Variants in EEA1 observed in about 807,000 individuals in gnomAD.
EEA1 encodes early endosome antigen 1.
A neutral mutation model predicts 209.2 loss-of-function variants in EEA1; 111 were observed. The observed-to-expected ratio is 0.53, with a 90% confidence interval of 0.45 to 0.62. The LOEUF (loss-of-function observed/expected upper bound fraction) is 0.62. EEA1 is among the 20% of genes least tolerant of loss of function. The pLI, the probability that EEA1 is intolerant of heterozygous loss-of-function variation, is 0.00. For synonymous variants in EEA1, 536 were observed against 540.6 expected (o/e 0.99, Z 0.12); for missense variants, 1,343 against 1,530.8 (o/e 0.88, Z 2.05).
At chr12:92,822,967 T>A (rs994336369) in intron 13 of EEA1, among the ~76,000 whole-genome samples, 11 of 152,100 alleles carry the variant, frequency 7.2e-5, no homozygotes, top group African/African-American at 2.7e-4. Context: ...CTGGAAGTCA[T>A]TCCCCTTCTC....
intron 21 of EEA1, among the ~76,000 whole-genome samples, chr12:92,793,502 G>A (rs1189907265): frequency 1.3e-5 from 2 of 152,138 alleles, no homozygotes; most frequent in Non-Finnish European, 2.9e-5. Context: ...CAAACTGAGA[G>A]CCAAATCATG....
At chr12:92,924,295 C>A (rs1200250803) in intron 1 of EEA1, among the ~76,000 whole-genome samples, 1 of 149,596 alleles carries the variant, frequency 6.7e-6, no homozygotes, top group Non-Finnish European at 1.5e-5. Context: ...GCAATCTCAG[C>A]CTCCCAGGTT....
At chr12:92,778,220 G>A in intron 25 of EEA1, 41 bp from the exon 26 acceptor site, 1 of 1,497,330 alleles carries the variant, frequency 6.7e-7, no homozygotes, top group Non-Finnish European at 9.2e-7. Flanking sequence ...TATTACAAAA[G>A]TAGTGCAAAA....
chr12:92,860,562 T>G lies in EEA1; in HGVS notation c.246-3077A>C, dbSNP rs571531009. Among the ~76,000 whole-genome samples the G allele has an allele frequency of 6.3e-4, 96 of 152,250 alleles. 1 individual carries two copies. The Middle Eastern group carries it at 0.017, about 27-fold the overall frequency. On this transcript the variant is annotated intron_variant, in intron 3 of 28. Coordinates refer to ENST00000322349, the MANE Select transcript of EEA1 (RefSeq NM_003566.4). ...AAAAATTTTTTTTCTCTCAATACCA[T>G]GATTACCATGATTCCTTTAACATGT...
At chr12:92,876,408 T>G (rs1222898578) in intron 2 of EEA1, among the ~76,000 whole-genome samples, 2 of 152,254 alleles carry the variant, frequency 1.3e-5, no homozygotes, top group Admixed American at 6.5e-5. Flanking sequence ...TCCACCCACT[T>G]GAATGTAAGC....
chr12:92,872,047 A>AT (rs56671465), intron 2 of EEA1, among the ~76,000 whole-genome samples: 56,259 of 132,392 alleles, frequency 0.42, 13,292 homozygotes, highest in East Asian at 0.9. Flanking sequence ...GGCCCAGCTA[A>AT]TTTTTTTTTT....
intron 17 of EEA1, among the ~76,000 whole-genome samples, chr12:92,809,556 G>T (rs566166885): frequency 6.7e-6 from 1 of 150,102 alleles, no homozygotes; most frequent in Non-Finnish European, 1.5e-5. Context: ...TTAGCCAGGC[G>T]TGGTGGCCGG....
At chr12:92,866,724 T>A (rs929705699) in intron 2 of EEA1, among the ~76,000 whole-genome samples, 2 of 152,120 alleles carry the variant, frequency 1.3e-5, no homozygotes, top group Admixed American at 6.6e-5. Flanking sequence ...TTCTTCTGGA[T>A]CTTTAACAAC....
At position 92,851,195 on chromosome 12, in the gene EEA1, A is replaced by G. The variant is rs759304460; in HGVS notation, c.714T>C (p.Asp238=). 5.0e-6 allele frequency: 8 copies of G among 1,613,854 alleles called. No homozygotes were observed. Among genetic ancestry groups the G allele is most frequent in the Non-Finnish European group, 6.8e-6 (8 of 1,179,934 alleles). ...KELVQVQTLM[D]NMTLERERES... ...CTCGCTCACGTTCCAAGGTCATGTTATCCATTAGTGTTTGAACTTGGACCA... is the reference window on the plus strand; with the variant it reads ...CTCGCTCACGTTCCAAGGTCATGTTGTCCATTAGTGTTTGAACTTGGACCA... Residue 238 remains aspartate, a synonymous_variant, in exon 9 of 29, where the codon GAT becomes GAC. Coordinates refer to ENST00000322349, the MANE Select transcript of EEA1 (RefSeq NM_003566.4).
rs781046580 is a variant in EEA1 at position 92,852,314 on chromosome 12, T to C, written c.521-18A>G. 9.9e-6 allele frequency: 15 copies of C among 1,510,354 alleles called. No homozygotes were observed. Among genetic ancestry groups the C allele is most frequent in the Middle Eastern group, 2.0e-4 (1 of 4,910 alleles). The allele number at this position is 1,510,354 out of a possible 1,614,324, so 93.6% of individuals were successfully genotyped here. A position where few individuals can be genotyped will look rare whatever the true frequency, so the allele number is the denominator to read the frequency against. On this transcript the variant is annotated intron_variant, in intron 7 of 28. Transcript: ENST00000322349. ...CTTTATATCTAATTAAAGATAGTTA[T>C]ATAAATATTAGTTTAAGGGGAGGAC... is the stretch of plus-strand genomic sequence containing the variant.
chr12:92,857,484 C>T lies in EEA1; in HGVS notation c.247G>A (p.Asp83Asn). The T allele has an allele frequency of 6.4e-7, 1 of 1,563,856 alleles. No individual in the cohort carries two copies. Among genetic ancestry groups the T allele is most frequent in the South Asian group, 1.3e-5 (1 of 79,708 alleles). The change falls in exon 4 of 29, where the codon GAT (aspartate) becomes AAT (asparagine). Residue 83 changes from aspartate (D) to asparagine (N), a missense_variant and splice_region_variant. Transcript: ENST00000322349. ...TCTTGTCTGAGCAGTGTTACATCAT[C>T]TCTAAATAAAAATGGGAGGAAGGAA... ...GGESNLALKRDDVTLLRQEVQ... is the reference protein window; with the variant it reads ...GGESNLALKRNDVTLLRQEVQ...
At chr12:92,862,604 G>C (rs1322601216) in intron 3 of EEA1, among the ~76,000 whole-genome samples, 1 of 151,668 alleles carries the variant, frequency 6.6e-6, no homozygotes, top group Non-Finnish European at 1.5e-5. Flanking sequence ...AAAGAAAAAA[G>C]AATATTATTC....
At chr12:92,928,843 G>C (rs866257620) in intron 1 of EEA1, among the ~76,000 whole-genome samples, 200 bp downstream of exon 1, 85 of 150,678 alleles carry the variant, frequency 5.6e-4, no homozygotes, top group African/African-American at 1.7e-3. Context: ...GGGGCCACCA[G>C]GGCTCTGCCT....
rs573475760 is a variant in EEA1, at chr12:92,800,714, A to T, written c.2772+886T>A. Among the ~76,000 whole-genome samples the T allele has an allele frequency of 1.7e-4, 26 of 152,362 alleles. No individual in the cohort carries two copies. In the Middle Eastern group the frequency reaches 0.014, roughly 80 times the overall value. On this transcript the variant is annotated intron_variant, in intron 20 of 28. Transcript: ENST00000322349. ...TTATTTCTCACAATAACTCTATCAC[A>T]TAGATTCATATAGACTCTATCATAT...
At chr12:92,830,315 C>T (rs938426395) in intron 11 of EEA1, among the ~76,000 whole-genome samples, 1 of 151,858 alleles carries the variant, frequency 6.6e-6, no homozygotes, top group Non-Finnish European at 1.5e-5. Flanking sequence ...CGATCCTCAC[C>T]CTCCTCCCAC....
At position 92,781,968 on chromosome 12, in the gene EEA1, T is replaced by C. The variant is rs761283650; in HGVS notation, c.3318A>G (p.Gln1106=). 8.1e-6 allele frequency: 13 copies of C among 1,612,174 alleles called. No homozygotes were observed. The Admixed American group carries it at 1.8e-4, about 23-fold the overall frequency. The change falls in exon 23 of 29, where the codon CAA becomes CAG. Residue 1106 remains glutamine, a synonymous_variant. Transcript: ENST00000322349. The part of the protein sequence containing the change: ...QQLQERCKAL[Q]DIQKEKSLKE... ...GCAATACCTTTTCTTTCTGAATGTC[T>C]TGTAGTGCTTTACATCGCTCCTGCA...
At chr12:92,779,450 T>A in intron 24 of EEA1, 150 bp from the exon 25 acceptor site, 1 of 709,002 alleles carries the variant, frequency 1.4e-6, no homozygotes, top group Non-Finnish European at 2.2e-6. Context: ...AAGAATTGGT[T>A]AAAAAGATAC....
intron 10 of EEA1, among the ~76,000 whole-genome samples, chr12:92,839,897 A>G (rs986589038): frequency 1.3e-5 from 2 of 152,094 alleles, no homozygotes; most frequent in Non-Finnish European, 2.9e-5. Flanking sequence ...AACAATATCT[A>G]TTATATCATA....
chr12:92,929,202 C>T lies in EEA1; in HGVS notation c.-136G>A. On this transcript the variant is annotated 5_prime_UTR_variant, in exon 1 of 29. Transcript: ENST00000322349. ...GGAGGTCGGGGCGAGGCGGTGGCGACGGCCGCTCGGGCGGCCCCGACTTCC... is the reference window on the plus strand; with the variant it reads ...GGAGGTCGGGGCGAGGCGGTGGCGATGGCCGCTCGGGCGGCCCCGACTTCC... 2.4e-6 allele frequency: 2 copies of T among 818,832 alleles called. No homozygotes were observed. The highest frequency in any genetic ancestry group is 1.8e-5 in the African/African-American group (1 of 54,286). The allele number at this position is 818,832 out of a possible 1,614,324, so 50.7% of individuals were successfully genotyped here.
Sources: allele counts gnomAD v4.1 joint callset (sites outside exome capture counted in the v4.1 genomes callset), GRCh38; gene constraint gnomAD v4.1.1; transcripts MANE v1.5; gene names NCBI Gene and HGNC (gene_info 2026-07-23, HGNC 2026-07-21).